MSR1: variants seen among roughly 807,000 people sequenced by gnomAD.
MSR1 encodes the protein macrophage scavenger receptor 1.
A neutral mutation model predicts 47.2 loss-of-function variants in MSR1; 53 were observed. The ratio of observed to expected loss-of-function variants is 1.12; its 90% CI spans 0.90 to 1.41. MSR1 has a LOEUF of 1.41. Among genes scored for constraint, MSR1 ranks in the 40% most tolerant of loss-of-function variants. The pLI, the probability that MSR1 is intolerant of heterozygous loss-of-function variation, is 0.00. For synonymous variants in MSR1, 239 were observed against 185.6 expected (o/e 1.29, Z -2.34); for missense variants, 786 against 546.9 (o/e 1.44, Z -4.36).
intron 9 of MSR1, 83 bp downstream of exon 9, chr8:16,120,335 C>T: frequency 7.0e-7 from 1 of 1,430,686 alleles, no homozygotes. Context: ...CGAGATCGCG[C>T]CACTGCACTC....
chr8:16,181,820 G>A (rs904844090), intron 1 of MSR1, among the ~76,000 whole-genome samples: 1 of 151,272 alleles, frequency 6.6e-6, no homozygotes, highest in Non-Finnish European at 1.5e-5. Context: ...AAAGAAAAAC[G>A]AAAACCCTAT....
At chr8:16,113,551 T>C (rs933179111) in intron 9 of MSR1, among the ~76,000 whole-genome samples, 5 of 152,146 alleles carry the variant, frequency 3.3e-5, no homozygotes, top group Admixed American at 6.5e-5. Context: ...AGTGTCTCCA[T>C]TGAGAAAAAC....
intron 8 of MSR1, among the ~76,000 whole-genome samples, chr8:16,134,819 A>AACAAACC (rs566898716): frequency 6.6e-6 from 1 of 152,300 alleles, no homozygotes; most frequent in African/African-American, 2.4e-5. Context: ...ATAATAAGAA[A>AACAAACC]ACAAACCACC....
chr8:16,164,916 T>C (rs34897121), intron 4 of MSR1, among the ~76,000 whole-genome samples: 9,034 of 152,108 alleles, frequency 0.059, 799 homozygotes, highest in African/African-American at 0.19. Flanking sequence ...TCCTGGAATA[T>C]GCTTTTATAT....
At chr8:16,157,589 C>A (rs192639130) in intron 5 of MSR1, among the ~76,000 whole-genome samples, 3 of 151,962 alleles carry the variant, frequency 2.0e-5, no homozygotes, top group Admixed American at 1.3e-4. Flanking sequence ...TTTACTGTTT[C>A]TAACAAAATG....
At chr8:16,190,722 TC>T (rs1802174222) in intron 1 of MSR1, among the ~76,000 whole-genome samples, 1 of 143,862 alleles carries the variant, frequency 7.0e-6, no homozygotes, top group South Asian at 2.1e-4. Context: ...CTTTTTTCTT[TC>T]TTTCTTTTTG....
chr8:16,168,388 A>T, intron 4 of MSR1, 70 bp downstream of exon 4: 2 of 1,544,486 alleles, frequency 1.3e-6, no homozygotes. Context: ...GCTTTCCTGT[A>T]CTGCCTAAGG....
intron 6 of MSR1, 125 bp downstream of exon 6, chr8:16,154,939 C>T: frequency 2.6e-6 from 2 of 772,010 alleles, no homozygotes; most frequent in East Asian, 2.7e-5. Flanking sequence ...CGTGCATACA[C>T]ACACACACAC....
intron 1 of MSR1, among the ~76,000 whole-genome samples, 181 bp from the exon 2 acceptor site, chr8:16,178,173 T>C (rs975606320): frequency 6.6e-6 from 1 of 152,072 alleles, no homozygotes; most frequent in Non-Finnish European, 1.5e-5. Context: ...TCATATATTA[T>C]ACATGTACCA....
chr8:16,139,767 AAAAAAAAATATATATATATATATATATAT>A (rs1200795471), intron 8 of MSR1: 16 of 109,296 alleles, frequency 1.5e-4, no homozygotes, highest in African/African-American at 1.3e-3. Context: ...AAAAAAAAAA[AAAAAAAAATATATATATATATATATATAT>A]ATATATATAT....
intron 6 of MSR1, among the ~76,000 whole-genome samples, chr8:16,151,490 C>A (rs1208925421): frequency 6.6e-6 from 1 of 152,040 alleles, no homozygotes; most frequent in African/African-American, 2.4e-5. Flanking sequence ...AAAATGTAGT[C>A]CCCAAAATGT....
intron 1 of MSR1, among the ~76,000 whole-genome samples, chr8:16,180,664 A>C (rs1456271425): frequency 6.6e-6 from 1 of 152,208 alleles, no homozygotes; most frequent in African/African-American, 2.4e-5. Context: ...AATCCAGCTC[A>C]GGAAATGAAG....
At chr8:16,181,697 T>C (rs1801837022) in intron 1 of MSR1, among the ~76,000 whole-genome samples, 1 of 151,722 alleles carries the variant, frequency 6.6e-6, no homozygotes, top group African/African-American at 2.4e-5. Context: ...ATACCTAATG[T>C]AAATGATGGG....
At chr8:16,139,775 AT>A (rs376687183) in intron 8 of MSR1, 747 of 7,850 alleles carry the variant, frequency 0.095, 80 homozygotes, top group Non-Finnish European at 0.13. Context: ...AAAAAAAAAA[AT>A]ATATATATAT....
At chr8:16,186,793 A>AGTTACTTATTTTATTT (rs142369040) in intron 1 of MSR1, among the ~76,000 whole-genome samples, 1 of 151,568 alleles carries the variant, frequency 6.6e-6, no homozygotes, top group Non-Finnish European at 1.5e-5. Flanking sequence ...CACCATGCCC[A>AGTTACTTATTTTATTT]TCTAGAGATG....
intron 7 of MSR1, among the ~76,000 whole-genome samples, chr8:16,149,961 A>G (rs1800802053): frequency 6.6e-6 from 1 of 151,474 alleles, no homozygotes; most frequent in Admixed American, 6.6e-5. Flanking sequence ...GGATATAGAG[A>G]CTTTCCTCGG....
chr8:16,142,060 G>C (rs1027990213), intron 8 of MSR1, among the ~76,000 whole-genome samples: 2 of 152,140 alleles, frequency 1.3e-5, no homozygotes, highest in East Asian at 3.9e-4. Flanking sequence ...GCCAGGCTTG[G>C]TGGCTCATGC....
chr8:16,178,392 A>C (rs1254696390), intron 1 of MSR1, among the ~76,000 whole-genome samples: 1 of 151,956 alleles, frequency 6.6e-6, no homozygotes, highest in East Asian at 1.9e-4. Context: ...GCTGAGAATG[A>C]TGGTTTCCAG....
intron 5 of MSR1, among the ~76,000 whole-genome samples, chr8:16,163,594 C>G (rs1186038911): frequency 6.6e-6 from 1 of 151,034 alleles, no homozygotes; most frequent in Non-Finnish European, 1.5e-5. Context: ...AAGTAAGATC[C>G]AATTCACCTT....
Sources: allele counts gnomAD v4.1 joint callset (sites outside exome capture counted in the v4.1 genomes callset), GRCh38; gene constraint gnomAD v4.1.1; transcripts MANE v1.5; gene names NCBI Gene and HGNC (gene_info 2026-07-23, HGNC 2026-07-21).